ELP3: variants seen among roughly 807,000 people sequenced by gnomAD.
ELP3 encodes the protein elongator complex protein 3.
Under a neutral mutation model 74.9 loss-of-function variants are expected in ELP3, and 56 were observed. The observed-to-expected ratio is 0.75, with a 90% CI of 0.60 to 0.93. ELP3 has a LOEUF of 0.93. Ranked by LOEUF, ELP3 falls within the 40% of genes least tolerant of loss-of-function variation. The probability of loss-of-function intolerance (pLI) is 0.00; values close to 1 mark genes in which losing one functional copy is unlikely to be tolerated. For missense variants in ELP3, 573 were observed against 686.5 expected, an observed-to-expected ratio of 0.83 and a Z score of 1.85; for synonymous variants, 222 against 239.8, an observed-to-expected ratio of 0.93 and a Z score of 0.68.
intron 10 of ELP3, among the ~76,000 whole-genome samples, chr8:28,144,809 C>T (rs1042385017): frequency 3.3e-5 from 5 of 152,172 alleles, no homozygotes; most frequent in African/African-American, 4.8e-5. Context: ...AAGGCCAAGG[C>T]GGGCAGATCA....
chr8:28,162,120 G>T, intron 14 of ELP3, 42 bp downstream of exon 14: 1 of 1,599,908 alleles, frequency 6.3e-7, no homozygotes, highest in South Asian at 1.1e-5. Flanking sequence ...TTCCCATTTT[G>T]AACTTGGCAC....
intron 10 of ELP3, among the ~76,000 whole-genome samples, chr8:28,143,259 C>T (rs534516101): frequency 6.6e-6 from 1 of 152,242 alleles, no homozygotes; most frequent in African/African-American, 2.4e-5. Context: ...TGATCTCATA[C>T]ACTTCTTTTT....
At position 28,138,049 on chromosome 8, in the gene ELP3, A is replaced by G. The variant is rs547858368; in HGVS notation, c.1100+158A>G. 9.8e-5 allele frequency among the ~76,000 whole-genome samples: 15 copies of G among 152,336 alleles called. No homozygotes were observed. The South Asian group carries it at 2.5e-3, about 25-fold the overall frequency. On this transcript the variant is annotated intron_variant, in intron 10 of 14. Transcript: ENST00000256398. ...GTAAATAGGGAGGGATGGAAATCAT[A>G]GCATGTCTAAGCCACTTTGCCAATA...
intron 10 of ELP3, among the ~76,000 whole-genome samples, chr8:28,140,322 G>C (rs779544735): frequency 6.6e-6 from 1 of 152,030 alleles, no homozygotes; most frequent in South Asian, 2.1e-4. Flanking sequence ...GCCAAATCTG[G>C]GACAATTTGA....
intron 12 of ELP3, 118 bp downstream of exon 12, chr8:28,158,751 C>T (rs1813945694): frequency 1.3e-6 from 1 of 768,738 alleles, no homozygotes; most frequent in Non-Finnish European, 2.2e-6. Context: ...AGAGCAGAGA[C>T]TAATCGAGGA....
In ELP3 at chr8:28,160,414, G is replaced by A. The variant is rs200010642; in HGVS notation, c.1443G>A (p.Val481=). 5.9e-5 allele frequency: 95 copies of A among 1,614,070 alleles called. No individual in the cohort carries two copies. The highest frequency in any genetic ancestry group is 1.8e-4 in the Admixed American group (11 of 60,022). Residue 481 remains valine (V), a synonymous_variant, in exon 13 of 15, where the codon GTG becomes GTA. Coordinates refer to ENST00000256398, the MANE Select transcript of ELP3 (RefSeq NM_018091.6). ...IVRELHVYGS[V]VPVSSRDPTK... Reference sequence around the variant, plus strand: ...GAGAGCTGCATGTGTATGGGAGTGTGGTCCCTGTGAGCAGCCGGGATCCTA... The same window carrying A: ...GAGAGCTGCATGTGTATGGGAGTGTAGTCCCTGTGAGCAGCCGGGATCCTA...
At position 28,126,949 on chromosome 8, in the gene ELP3, CT is replaced by C. The variant is rs564484078; in HGVS notation, c.618-2549del. 5.9e-3 allele frequency among the ~76,000 whole-genome samples: 894 copies of C among 152,208 alleles called. 7 individuals are homozygous for C. The highest frequency in any genetic ancestry group is 7.3e-3 in the Admixed American group (112 of 15,276). The stretch of plus-strand genomic sequence containing the variant: ...TTTGATACAAATTTCTGTTTAATTG[CT>C]TTTCAGATGCAAATACAATTCTGGA... On this transcript the variant is annotated intron_variant, in intron 7 of 14. Coordinates refer to ENST00000256398, the MANE Select transcript of ELP3 (RefSeq NM_018091.6).
At chr8:28,183,192 A>G in intron 14 of ELP3, 1 of 460,030 alleles carries the variant, frequency 2.2e-6, no homozygotes. Context: ...TTCTCCCCAA[A>G]GGGGTGGATG....
At chr8:28,145,979 G>A (rs1396507141) in intron 10 of ELP3, among the ~76,000 whole-genome samples, 1 of 152,168 alleles carries the variant, frequency 6.6e-6, no homozygotes, top group Non-Finnish European at 1.5e-5. Flanking sequence ...AAGATAATTT[G>A]AGTGAGAACA....
intron 10 of ELP3, among the ~76,000 whole-genome samples, chr8:28,143,031 T>A (rs1310145182): frequency 3.3e-5 from 5 of 152,218 alleles, no homozygotes; most frequent in Non-Finnish European, 5.9e-5. Flanking sequence ...TCATATTTAT[T>A]ATATTTTGCT....
intron 10 of ELP3, among the ~76,000 whole-genome samples, chr8:28,148,664 A>G (rs758684206): frequency 1.3e-5 from 2 of 152,198 alleles, no homozygotes; most frequent in Non-Finnish European, 2.9e-5. Flanking sequence ...GATTTTGTCA[A>G]ATGCACTTTC....
At chr8:28,122,568 C>T (rs1481262405) in intron 7 of ELP3, among the ~76,000 whole-genome samples, 1 of 152,160 alleles carries the variant, frequency 6.6e-6, no homozygotes, top group Non-Finnish European at 1.5e-5. Context: ...TTCATTTTGT[C>T]AAACATTTTG....
At chr8:28,160,635 CT>C (rs996440179) in intron 13 of ELP3, among the ~76,000 whole-genome samples, 179 bp downstream of exon 13, 1 of 152,140 alleles carries the variant, frequency 6.6e-6, no homozygotes, top group Non-Finnish European at 1.5e-5. Context: ...AAATTGTATC[CT>C]TTTGGGAGGA....
chr8:28,189,565 G>C, intron 14 of ELP3, 84 bp from the exon 15 acceptor site: 3 of 1,297,602 alleles, frequency 2.3e-6, no homozygotes, highest in Non-Finnish European at 3.3e-6. Flanking sequence ...GGGTGGGAGA[G>C]AGTGTAAGGC....
chr8:28,158,326 A>G (rs998955776), intron 11 of ELP3, among the ~76,000 whole-genome samples: 3 of 152,178 alleles, frequency 2.0e-5, no homozygotes, highest in Non-Finnish European at 4.4e-5. Flanking sequence ...AATTTATTTT[A>G]AAAGCACTAC....
rs1563298891 is a variant in ELP3, at chr8:28,190,723, A to C, written c.*998A>C. The C allele has an allele frequency of 6.6e-6, 1 of 151,832 alleles. No individual in the cohort carries two copies. 9.4% of individuals were successfully genotyped at this position (151,832 alleles called of 1,614,324 possible). Reference sequence around the variant, plus strand: ...GGGATTACAGGCACCCGCCGCTGCTAATTTTTGTATTTTTAGTAGAGATGG... The same window carrying C: ...GGGATTACAGGCACCCGCCGCTGCTCATTTTTGTATTTTTAGTAGAGATGG... On this transcript the variant is annotated 3_prime_UTR_variant, in exon 15 of 15. Coordinates refer to ENST00000256398, the MANE Select transcript of ELP3 (RefSeq NM_018091.6).
chr8:28,165,409 C>T (rs2015443), intron 14 of ELP3, among the ~76,000 whole-genome samples: 44,592 of 151,978 alleles, frequency 0.29, 6,961 homozygotes, highest in East Asian at 0.57. Flanking sequence ...TTTGTGAATG[C>T]CTGTTAACTT....
At chr8:28,101,809 C>T (rs568955449) in intron 3 of ELP3, among the ~76,000 whole-genome samples, 11 of 152,216 alleles carry the variant, frequency 7.2e-5, no homozygotes, top group African/African-American at 2.6e-4. Context: ...AGGCTGGTCT[C>T]GAACTCTTGA....
In ELP3 at chr8:28,093,176, C is replaced by A. The variant is rs200264894; in HGVS notation, c.-39C>A. 9.8e-5 allele frequency: 157 copies of A among 1,609,506 alleles called. No homozygotes were observed. Among genetic ancestry groups the A allele is most frequent in the Middle Eastern group, 5.0e-4 (3 of 6,050 alleles). ...TCCCCGTGGTCTGAGTTTGTGGCTG[C>A]ATTTTTATCTCTGGTGGCTCTGCTA... is the stretch of plus-strand genomic sequence containing the variant. On this transcript the variant is annotated 5_prime_UTR_variant, in exon 1 of 15. Coordinates refer to ENST00000256398, the MANE Select transcript of ELP3 (RefSeq NM_018091.6).
Sources: gnomAD v4.1 joint callset for allele counts (sites outside exome capture counted in the v4.1 genomes callset) on GRCh38, gnomAD v4.1.1 for gene constraint, MANE v1.5 for transcripts, NCBI Gene and HGNC (gene_info 2026-07-23, HGNC 2026-07-21) for gene names.